Variants in GPC6 observed in about 807,000 individuals in gnomAD.
GPC6 encodes glypican 6.
In GPC6, 14 loss-of-function variants were observed where a neutral mutation model predicts 55.2. The observed-to-expected ratio is 0.25, with a 90% CI of 0.17 to 0.40. The LOEUF (loss-of-function observed/expected upper bound fraction) is 0.40, where lower values mean the gene tolerates loss of function less well. Ranked by LOEUF, GPC6 falls within the 10% of genes least tolerant of loss-of-function variation. GPC6 has a pLI of 1.00. For synonymous variants in GPC6, 278 were observed against 259.6 expected (o/e 1.07, Z -0.68); for missense variants, 641 against 708.5 (o/e 0.90, Z 1.08).
intron 3 of GPC6, among the ~76,000 whole-genome samples, chr13:93,873,286 A>C (rs1260397995): frequency 1.3e-5 from 2 of 151,986 alleles, no homozygotes; most frequent in Non-Finnish European, 1.5e-5. Flanking sequence ...TTAATGCACT[A>C]CATTTTAATT....
chr13:93,897,912 T>C (rs1421084453), intron 3 of GPC6, among the ~76,000 whole-genome samples: 1 of 152,156 alleles, frequency 6.6e-6, no homozygotes, highest in East Asian at 1.9e-4. Flanking sequence ...ATTCCCTATA[T>C]CTATCCTCGC....
intron 3 of GPC6, among the ~76,000 whole-genome samples, chr13:93,955,278 CACACACACA>C (rs1879459646): frequency 6.6e-6 from 1 of 151,548 alleles, no homozygotes; most frequent in Non-Finnish European, 1.5e-5. Flanking sequence ...CACACACACA[CACACACACA>C]CCTGCCAAAC....
chr13:93,257,848 C>A (rs1211950761), intron 1 of GPC6, among the ~76,000 whole-genome samples: 1 of 152,158 alleles, frequency 6.6e-6, no homozygotes, highest in Non-Finnish European at 1.5e-5. Flanking sequence ...TATTAAATTT[C>A]TCAAATCATT....
chr13:93,853,723 A>G (rs192429001), intron 3 of GPC6, among the ~76,000 whole-genome samples: 15 of 151,770 alleles, frequency 9.9e-5, no homozygotes, highest in African/African-American at 3.6e-4. Context: ...TGCCTTCCCC[A>G]GATAATGATA....
chr13:94,266,439 A>AT (rs1424016495), intron 4 of GPC6, among the ~76,000 whole-genome samples: 2 of 152,146 alleles, frequency 1.3e-5, no homozygotes, highest in Admixed American at 1.3e-4. Context: ...AAGTGCTGGG[A>AT]TTACAGGCGT....
chr13:93,807,719 G>A (rs1886581663), intron 2 of GPC6, among the ~76,000 whole-genome samples: 1 of 152,202 alleles, frequency 6.6e-6, no homozygotes, highest in Non-Finnish European at 1.5e-5. Flanking sequence ...CTTCAAGGCT[G>A]TGACGGCTTG....
chr13:93,579,160 T>C (rs1467843070), intron 2 of GPC6, among the ~76,000 whole-genome samples: 3 of 152,048 alleles, frequency 2.0e-5, no homozygotes, highest in Non-Finnish European at 4.4e-5. Flanking sequence ...ATAGAAGAAA[T>C]AAGACGTGGT....
At chr13:94,132,200 C>T (rs757953666) in intron 4 of GPC6, among the ~76,000 whole-genome samples, 4 of 152,140 alleles carry the variant, frequency 2.6e-5, no homozygotes, top group Non-Finnish European at 5.9e-5. Context: ...ATTGATGGCA[C>T]TAATAACTTC....
intron 1 of GPC6, among the ~76,000 whole-genome samples, chr13:93,470,098 C>G (rs1414140354): frequency 6.6e-6 from 1 of 152,042 alleles, no homozygotes; most frequent in African/African-American, 2.4e-5. Context: ...AATTCTAGAT[C>G]TTTTGCCTTC....
intron 1 of GPC6, among the ~76,000 whole-genome samples, chr13:93,469,432 G>A (rs970263): frequency 0.51 from 77,796 of 151,822 alleles, 20,397 homozygotes; most frequent in East Asian, 0.69. Context: ...TTCTCAATCT[G>A]TTACCCCATC....
chr13:93,371,271 A>G (rs1033325911), intron 1 of GPC6, among the ~76,000 whole-genome samples: 4 of 152,084 alleles, frequency 2.6e-5, no homozygotes, highest in Admixed American at 6.6e-5. Flanking sequence ...GGTAGGCATC[A>G]TAGAGTGTGT....
intron 2 of GPC6, among the ~76,000 whole-genome samples, chr13:93,799,636 C>G (rs930351967): frequency 1.3e-5 from 2 of 152,178 alleles, no homozygotes; most frequent in Non-Finnish European, 2.9e-5. Context: ...AACTGGAGTT[C>G]TTAACTTGCT....
intron 3 of GPC6, among the ~76,000 whole-genome samples, chr13:93,911,483 C>T (rs1467408395): frequency 6.6e-6 from 1 of 151,704 alleles, no homozygotes; most frequent in Admixed American, 6.6e-5. Context: ...GATATGTAGT[C>T]ATAATTACAA....
chr13:93,783,243 C>T (rs1885712384), intron 2 of GPC6, among the ~76,000 whole-genome samples: 1 of 152,030 alleles, frequency 6.6e-6, no homozygotes, highest in South Asian at 2.1e-4. Context: ...GGGCTGATTC[C>T]ATGTCTTTGC....
chr13:94,331,415 G>A (rs1594176870), intron 6 of GPC6, among the ~76,000 whole-genome samples: 1 of 152,218 alleles, frequency 6.6e-6, no homozygotes, highest in Admixed American at 6.5e-5. Context: ...CCAGGGTTGA[G>A]TGATTGCTGA....
At chr13:93,284,185 G>A (rs1288358630) in intron 1 of GPC6, among the ~76,000 whole-genome samples, 1 of 152,120 alleles carries the variant, frequency 6.6e-6, no homozygotes. Flanking sequence ...TAGTTTTATG[G>A]TGCAAGAAAA....
intron 3 of GPC6, among the ~76,000 whole-genome samples, chr13:93,865,561 A>G (rs1888938829): frequency 6.6e-6 from 1 of 151,688 alleles, no homozygotes; most frequent in African/African-American, 2.4e-5. Context: ...GAAGCCTTTG[A>G]CCAGAGGTGT....
intron 2 of GPC6, among the ~76,000 whole-genome samples, chr13:93,594,143 CTTTAT>C (rs1416422067): frequency 1.3e-5 from 2 of 151,584 alleles, no homozygotes; most frequent in South Asian, 2.1e-4. Context: ...CTATATATGA[CTTTAT>C]TTTATTTTTT....
intron 3 of GPC6, among the ~76,000 whole-genome samples, chr13:93,895,056 C>A (rs1021009641): frequency 1.3e-5 from 2 of 150,736 alleles, no homozygotes; most frequent in African/African-American, 4.9e-5. Context: ...CAACGTCTTA[C>A]AGCAAATATA....
Sources: allele counts gnomAD v4.1 joint callset (sites outside exome capture counted in the v4.1 genomes callset), GRCh38; gene constraint gnomAD v4.1.1; transcripts MANE v1.5; gene names NCBI Gene and HGNC (gene_info 2026-07-23, HGNC 2026-07-21).